Variants in JPH1 observed in about 807,000 individuals in gnomAD.
JPH1 encodes junctophilin-1.
In JPH1, 12 loss-of-function variants were observed where a neutral mutation model predicts 53.6. The observed-to-expected ratio is 0.22, with a 90% CI of 0.14 to 0.36. JPH1 has a LOEUF of 0.36. Among genes scored for constraint, JPH1 ranks in the 10% least tolerant of loss-of-function variants. The pLI is 1.00. For synonymous variants in JPH1, 375 were observed against 363.8 expected (o/e 1.03, Z -0.35); for missense variants, 808 against 905.5 (o/e 0.89, Z 1.38).
chr8:74,269,291 G>T (rs1315535850), intron 2 of JPH1, among the ~76,000 whole-genome samples: 1 of 152,176 alleles, frequency 6.6e-6, no homozygotes. Context: ...CCTTTCCAAG[G>T]TACACATTTT....
At chr8:74,237,481 A>G (rs1008063612) in intron 4 of JPH1, among the ~76,000 whole-genome samples, 178 bp from the exon 5 acceptor site, 9 of 152,224 alleles carry the variant, frequency 5.9e-5, no homozygotes, top group Non-Finnish European at 1.0e-4. Context: ...TTAGATGGAG[A>G]CATTTCAGAA....
chr8:74,297,294 C>T (rs1427375755), intron 2 of JPH1, among the ~76,000 whole-genome samples: 1 of 152,236 alleles, frequency 6.6e-6, no homozygotes, highest in Non-Finnish European at 1.5e-5. Context: ...TGCAGCTGGA[C>T]TGCACTCCCG....
intron 2 of JPH1, among the ~76,000 whole-genome samples, chr8:74,266,805 G>A (rs1363011665): frequency 2.6e-5 from 4 of 152,212 alleles, no homozygotes; most frequent in African/African-American, 9.6e-5. Context: ...GCTCTCCGTT[G>A]AGAAGTAGCT....
At chr8:74,300,780 C>T (rs149706777) in intron 2 of JPH1, among the ~76,000 whole-genome samples, 2 of 152,278 alleles carry the variant, frequency 1.3e-5, no homozygotes, top group Non-Finnish European at 2.9e-5. Context: ...GAGAGGAATT[C>T]ACAAAAGAGT....
chr8:74,271,551 C>T (rs1806700470), intron 2 of JPH1, among the ~76,000 whole-genome samples: 1 of 152,204 alleles, frequency 6.6e-6, no homozygotes, highest in Non-Finnish European at 1.5e-5. Context: ...TCTGCCCTAC[C>T]TGAAGCACAA....
At chr8:74,279,138 G>C (rs138147281) in intron 2 of JPH1, among the ~76,000 whole-genome samples, 31 of 152,276 alleles carry the variant, frequency 2.0e-4, no homozygotes, top group African/African-American at 7.0e-4. Flanking sequence ...TATCTGGCTG[G>C]CCAGAGGACA....
intron 3 of JPH1, among the ~76,000 whole-genome samples, chr8:74,257,924 T>G (rs997435839): frequency 1.2e-4 from 18 of 152,226 alleles, no homozygotes; most frequent in Admixed American, 1.1e-3. Flanking sequence ...AAAAACCGAA[T>G]CTTCTTTGCC....
intron 2 of JPH1, among the ~76,000 whole-genome samples, chr8:74,287,586 C>A (rs1807204179): frequency 6.6e-6 from 1 of 151,750 alleles, no homozygotes; most frequent in African/African-American, 2.4e-5. Context: ...TCTTAGAATT[C>A]TTGAAATCAC....
chr8:74,273,384 C>A (rs951667949), intron 2 of JPH1, among the ~76,000 whole-genome samples: 1 of 152,080 alleles, frequency 6.6e-6, no homozygotes, highest in African/African-American at 2.4e-5. Flanking sequence ...TAACTGAATT[C>A]TTCTTATCCT....
At chr8:74,306,485 G>A (rs1415171460) in intron 2 of JPH1, among the ~76,000 whole-genome samples, 1 of 152,108 alleles carries the variant, frequency 6.6e-6, no homozygotes, top group Non-Finnish European at 1.5e-5. Context: ...ATTCTTCTAG[G>A]AGCAAATTCC....
chr8:74,264,878 G>A (rs1280585235), intron 2 of JPH1, among the ~76,000 whole-genome samples: 1 of 152,106 alleles, frequency 6.6e-6, no homozygotes, highest in African/African-American at 2.4e-5. Context: ...TTACAGTCTG[G>A]TGCCAGGAAA....
intron 2 of JPH1, among the ~76,000 whole-genome samples, chr8:74,267,392 T>C (rs748959743): frequency 1.5e-4 from 23 of 152,186 alleles, no homozygotes; most frequent in Non-Finnish European, 2.2e-4. Context: ...TGTTCACAGT[T>C]CTTGTTCTTG....
At chr8:74,253,477 G>A (rs1450061496) in intron 3 of JPH1, among the ~76,000 whole-genome samples, 5 of 151,800 alleles carry the variant, frequency 3.3e-5, no homozygotes. Context: ...ATCACAATTA[G>A]AAGAACTAGA....
At chr8:74,300,636 T>C (rs991023281) in intron 2 of JPH1, among the ~76,000 whole-genome samples, 18 of 152,202 alleles carry the variant, frequency 1.2e-4, no homozygotes, top group African/African-American at 3.9e-4. Flanking sequence ...TTTTATACCA[T>C]CTTCTGATTG....
Position 74,244,836 on chromosome 8 carries a change from G to C in JPH1, c.1598C>G (p.Ser533Cys). ...AGAVVPQSKY[S>C]GRHHIPNPSN... The stretch of plus-strand genomic sequence containing the variant: ...GGGGTTGGGGATGTGGTGGCGGCCA[G>C]AGTACTTGGACTGGGGCACAACCGC... Residue 533 changes from serine (S) to cysteine (C), a missense_variant, in exon 4 of 6, where the codon TCT becomes TGT. Physicochemically the swap from Ser to Cys is moderately radical, Grantham distance 112 (BLOSUM62 -1). Transcript: ENST00000342232. The C allele has an allele frequency of 2.5e-6, 4 of 1,614,182 alleles. No homozygotes were observed. The highest frequency in any genetic ancestry group is 3.4e-6 in the Non-Finnish European group (4 of 1,180,024).
Position 74,315,485 on chromosome 8 carries a change from T to G in JPH1, c.515A>C (p.Asn172Thr). The change falls in exon 2 of 6, where the codon AAT becomes ACT. Residue 172 changes from asparagine to threonine, a missense_variant. Physicochemically the swap from Asn to Thr is moderately conservative, Grantham distance 65 (BLOSUM62 0). Coordinates refer to ENST00000342232, the MANE Select transcript of JPH1 (RefSeq NM_020647.4). The surrounding 1 kb of genome is among the most constrained non-coding windows in gnomAD (Gnocchi z 6.3). ...TGCGGCGTCGTGGAGCACGCTGCCA[T>G]TGCTCTGCTCGCTGCGCAGCGAGGC... ...SLASLRSEQS[N>T]GSVLHDAAAA... 1 of 1,607,422 alleles carries G rather than the reference T, an allele frequency of 6.2e-7. No individual in the cohort carries two copies. The highest frequency in any genetic ancestry group is 8.5e-7 in the Non-Finnish European group (1 of 1,177,628).
chr8:74,285,379 G>A (rs772287675), intron 2 of JPH1, among the ~76,000 whole-genome samples: 3 of 151,292 alleles, frequency 2.0e-5, no homozygotes, highest in Admixed American at 6.6e-5. Context: ...CATGTGAGCC[G>A]GTACTACTTC....
intron 3 of JPH1, among the ~76,000 whole-genome samples, 156 bp from the exon 4 acceptor site, chr8:74,245,331 T>C (rs1191867285): frequency 6.6e-6 from 1 of 152,228 alleles, no homozygotes; most frequent in African/African-American, 2.4e-5. Flanking sequence ...TTATTTATTA[T>C]GGAAAGGCTG....
intron 2 of JPH1, among the ~76,000 whole-genome samples, chr8:74,308,728 A>G (rs536690434): frequency 6.6e-6 from 1 of 152,290 alleles, no homozygotes; most frequent in South Asian, 2.1e-4. Flanking sequence ...GAAGTGGGCT[A>G]AGAGAAGCGG....
Sources: gnomAD v4.1 joint callset for allele counts (sites outside exome capture counted in the v4.1 genomes callset) on GRCh38, gnomAD v4.1.1 for gene constraint, Gnocchi (gnomAD v3.1) non-coding constraint, MANE v1.5 for transcripts, NCBI Gene and HGNC (gene_info 2026-07-23, HGNC 2026-07-21) for gene names.